The following BTBD16 variants were observed in gnomAD, a reference collection of about 807,000 sequenced individuals.
BTBD16 encodes BTB/POZ domain-containing protein 16.
BTBD16 carries 66 observed loss-of-function variants against 67.4 expected under a neutral mutation model. That is an observed-to-expected ratio of 0.98 (90% CI 0.80 to 1.20). The LOEUF is 1.20. BTBD16 is among the 50% of genes most tolerant of loss of function. The pLI, the probability that BTBD16 is intolerant of heterozygous loss-of-function variation, is 0.00. For missense variants in BTBD16, 634 were observed against 616.0 expected (o/e 1.03, Z -0.31); for synonymous variants, 242 against 236.4 (o/e 1.02, Z -0.22).
chr10:122,327,075 G>T (rs995911771), intron 10 of BTBD16, among the ~76,000 whole-genome samples: 1 of 152,208 alleles, frequency 6.6e-6, no homozygotes, highest in East Asian at 1.9e-4. Context: ...AATGGAAAAT[G>T]TGCTGGACTA....
At chr10:122,286,726 C>T (rs1450605715) in intron 5 of BTBD16, among the ~76,000 whole-genome samples, 2 of 152,090 alleles carry the variant, frequency 1.3e-5, no homozygotes, top group Non-Finnish European at 2.9e-5. Flanking sequence ...TTGTTGTTGT[C>T]TTTGCTTTTC....
At chr10:122,295,947 C>G (rs1374074510) in intron 7 of BTBD16, among the ~76,000 whole-genome samples, 1 of 151,558 alleles carries the variant, frequency 6.6e-6, no homozygotes, top group African/African-American at 2.4e-5. Flanking sequence ...AATGAAGCCA[C>G]AGAACACCAA....
intron 10 of BTBD16, among the ~76,000 whole-genome samples, chr10:122,309,154 T>C (rs1283915113): frequency 6.6e-6 from 1 of 152,106 alleles, no homozygotes; most frequent in African/African-American, 2.4e-5. Context: ...TGAGACAGGG[T>C]CTTGCTCTGT....
In BTBD16 at chr10:122,275,112, G is replaced by A. The variant is rs1481071964; in HGVS notation, c.18+13G>A. 2 of 1,613,004 alleles carry A rather than the reference G, an allele frequency of 1.2e-6. No homozygotes were observed. The highest frequency in any genetic ancestry group is 2.7e-5 in the African/African-American group (2 of 75,012). On this transcript the variant is annotated intron_variant, in intron 2 of 15. Coordinates refer to ENST00000260723, the MANE Select transcript of BTBD16 (RefSeq NM_144587.5). ...AATGTCGAACACGGTGAGTAGATCAGTTTCTCAAGAAGGTAGGTGATGAGA... is the reference window on the plus strand; with the variant it reads ...AATGTCGAACACGGTGAGTAGATCAATTTCTCAAGAAGGTAGGTGATGAGA...
intron 5 of BTBD16, among the ~76,000 whole-genome samples, chr10:122,288,201 T>C (rs1426679242): frequency 6.6e-6 from 1 of 152,206 alleles, no homozygotes; most frequent in Non-Finnish European, 1.5e-5. Flanking sequence ...ATGCCTACTG[T>C]GTGCCAGGCA....
intron 1 of BTBD16, among the ~76,000 whole-genome samples, chr10:122,273,242 A>ATATATATATATATATATATATATG (rs1166253104): frequency 2.7e-5 from 4 of 149,182 alleles, no homozygotes; most frequent in Non-Finnish European, 5.9e-5. Flanking sequence ...ATATATATAT[A>ATATATATATATATATATATATATG]TATACACACA....
In BTBD16 at chr10:122,304,578, A is replaced by G. The variant is rs1245939170; in HGVS notation, c.792-2611A>G. On this transcript the variant is annotated intron_variant, in intron 9 of 15. Transcript: ENST00000260723. ...TTTTTTTTTTTTTTTTTTTTGAGAC[A>G]GAGTCTCCCTATGTCGCCCAGGCTG... Among the ~76,000 whole-genome samples, 5 of 131,644 alleles carry G rather than the reference A, an allele frequency of 3.8e-5. No homozygotes were observed. The East Asian group carries it at 6.9e-4, about 18-fold the overall frequency. The allele number at this position is 131,644 out of a possible 152,430, so 86.4% of individuals were successfully genotyped here. A position where few individuals can be genotyped will look rare whatever the true frequency, so the allele number is the denominator to read the frequency against.
At chr10:122,337,153 T>C (rs957892591) in intron 15 of BTBD16, among the ~76,000 whole-genome samples, 2 of 152,200 alleles carry the variant, frequency 1.3e-5, no homozygotes, top group African/African-American at 4.8e-5. Flanking sequence ...TGGCCTGGCT[T>C]CTGACCAGAA....
chr10:122,318,365 A>G (rs2096429860), intron 10 of BTBD16, among the ~76,000 whole-genome samples: 1 of 152,164 alleles, frequency 6.6e-6, no homozygotes, highest in South Asian at 2.1e-4. Flanking sequence ...ATGGATTACC[A>G]AAATTTGTTT....
chr10:122,301,859 A>AGGGCC (rs1488122917), intron 9 of BTBD16, among the ~76,000 whole-genome samples: 1 of 152,206 alleles, frequency 6.6e-6, no homozygotes, highest in African/African-American at 2.4e-5. Flanking sequence ...TGGGCAGGGC[A>AGGGCC]GGGCCTCCAC....
At chr10:122,334,020 T>C (rs2096458982) in intron 13 of BTBD16, among the ~76,000 whole-genome samples, 1 of 152,166 alleles carries the variant, frequency 6.6e-6, no homozygotes, top group African/African-American at 2.4e-5. Flanking sequence ...GCCATCCAAT[T>C]TGGAGTGAAT....
At chr10:122,291,831 G>T (rs565204406) in intron 7 of BTBD16, 1 of 152,160 alleles carries the variant, frequency 6.6e-6, no homozygotes, top group Non-Finnish European at 1.5e-5. Context: ...TTCAGACCCC[G>T]CTGGCCCACC....
rs2096454584 is a variant in BTBD16, at chr10:122,331,221, C to A, written c.1049C>A (p.Ser350Ter). The A allele has an allele frequency of 6.2e-7, 1 of 1,613,956 alleles. No individual in the cohort carries two copies. The highest frequency in any genetic ancestry group is 2.2e-5 in the East Asian group (1 of 44,864). ...VLRHLNFFPE[S>*]WLDQVTVNHY... ...CGGCACCTTAACTTCTTCCCAGAGT[C>A]ATGGCTCGACCAGGTTACAGTCAAC... Residue 350 changes from serine (S) to a stop codon, truncating the protein, a stop_gained, in exon 12 of 16, where the codon TCA (serine) becomes TAA (stop). Coordinates refer to ENST00000260723, the MANE Select transcript of BTBD16 (RefSeq NM_144587.5). LOFTEE classifies it high-confidence loss of function.
intron 9 of BTBD16, among the ~76,000 whole-genome samples, chr10:122,300,082 G>A (rs1361157353): frequency 1.3e-5 from 2 of 152,032 alleles, no homozygotes; most frequent in Admixed American, 6.5e-5. Context: ...GGGCTTTTTA[G>A]GTTATTTCTA....
At chr10:122,329,390 A>G in intron 10 of BTBD16, 90 bp from the exon 11 acceptor site, 1 of 1,244,582 alleles carries the variant, frequency 8.0e-7, no homozygotes, top group Non-Finnish European at 1.2e-6. Flanking sequence ...TGAAGCCACT[A>G]GTCTCTACAA....
intron 10 of BTBD16, among the ~76,000 whole-genome samples, chr10:122,317,369 C>T (rs912343574): frequency 9.9e-5 from 15 of 151,534 alleles, no homozygotes; most frequent in East Asian, 2.0e-4. Context: ...AGCCACAGGC[C>T]GGGTGTGGTG....
At chr10:122,291,792 C>T (rs1362448411) in intron 7 of BTBD16, 3 of 152,200 alleles carry the variant, frequency 2.0e-5, no homozygotes, top group Non-Finnish European at 4.4e-5. Flanking sequence ...TCCCCCTGCC[C>T]ATTTTAGGCA....
intron 10 of BTBD16, among the ~76,000 whole-genome samples, chr10:122,314,512 T>A (rs1401259808): frequency 6.6e-6 from 1 of 152,074 alleles, no homozygotes; most frequent in Admixed American, 6.6e-5. Context: ...TCAAAAAAAA[T>A]TAAAAATAAA....
rs1295788749 is a variant in BTBD16, at chr10:122,307,269, C to T, written c.872C>T (p.Ala291Val). ...VFLQLNYKIQ[A>V]IPTYETVMTF... ...TTGCAACTGAACTACAAGATTCAGG[C>T]AATTCCGACTTATGAAACCGTGATG... is the stretch of plus-strand genomic sequence containing the variant. The change falls in exon 10 of 16, where the codon GCA becomes GTA. Residue 291 changes from alanine to valine, a missense_variant. By Grantham distance (64) the Ala-to-Val change is moderately conservative (BLOSUM62 0). Coordinates refer to ENST00000260723, the MANE Select transcript of BTBD16 (RefSeq NM_144587.5). 6 of 1,608,540 alleles carry T rather than the reference C, an allele frequency of 3.7e-6. No homozygotes were observed. The highest frequency in any genetic ancestry group is 2.2e-5 in the East Asian group (1 of 44,604).
Sources: gnomAD v4.1 joint callset for allele counts (sites outside exome capture counted in the v4.1 genomes callset) on GRCh38, gnomAD v4.1.1 for gene constraint, MANE v1.5 for transcripts, NCBI Gene and HGNC (gene_info 2026-07-23, HGNC 2026-07-21) for gene names.